SMYD3: variants seen among roughly 807,000 people sequenced by gnomAD.
SMYD3 encodes histone-lysine N-methyltransferase SMYD3.
A neutral mutation model predicts 57.7 loss-of-function variants in SMYD3; 36 were observed. The observed-to-expected ratio is 0.62, with a 90% CI of 0.48 to 0.82. The LOEUF is 0.82. SMYD3 is among the 40% of genes least tolerant of loss of function. The pLI is 0.00. For missense variants in SMYD3, 515 were observed against 538.8 expected (o/e 0.96, Z 0.44); for synonymous variants, 211 against 195.0 (o/e 1.08, Z -0.68).
In SMYD3 at chr1:246,324,883, A is replaced by T. The variant is rs144089585; in HGVS notation, c.531+2318T>A. On this transcript the variant is annotated intron_variant, in intron 5 of 11. Transcript: ENST00000490107. ...TGTGCTTGATGTGACTTGCACCATC[A>T]CACACCGTCAACATTCTGGGCTCAG... Among the ~76,000 whole-genome samples, 132 of 150,904 alleles carry T rather than the reference A, an allele frequency of 8.7e-4. 1 individual carries two copies. The highest frequency in any genetic ancestry group is 3.1e-3 in the African/African-American group (125 of 40,922).
intron 5 of SMYD3, among the ~76,000 whole-genome samples, chr1:246,041,535 T>C (rs1228150470): frequency 1.3e-5 from 2 of 152,238 alleles, no homozygotes; most frequent in Admixed American, 6.5e-5. Flanking sequence ...TGTGTGTGCC[T>C]GGGCATGTAT....
At chr1:246,080,623 T>C (rs1455179905) in intron 5 of SMYD3, among the ~76,000 whole-genome samples, 1 of 152,138 alleles carries the variant, frequency 6.6e-6, no homozygotes, top group Non-Finnish European at 1.5e-5. Context: ...GAACTATTAT[T>C]ATTGTAAAAA....
intron 8 of SMYD3, among the ~76,000 whole-genome samples, chr1:245,909,421 TTAG>T (rs1320565547): frequency 6.6e-6 from 1 of 151,716 alleles, no homozygotes; most frequent in Non-Finnish European, 1.5e-5. Context: ...TCCAGAAAAA[TTAG>T]GAGGAGGAAA....
chr1:246,128,637 T>TG (rs2061542217), intron 5 of SMYD3, among the ~76,000 whole-genome samples: 1 of 152,154 alleles, frequency 6.6e-6, no homozygotes, highest in South Asian at 2.1e-4. Flanking sequence ...CAGTGAGCAG[T>TG]GGGGCTGGCC....
intron 1 of SMYD3, among the ~76,000 whole-genome samples, chr1:246,453,875 T>C (rs1175140192): frequency 6.6e-6 from 1 of 152,188 alleles, no homozygotes; most frequent in African/African-American, 2.4e-5. Flanking sequence ...AGTAAATCTC[T>C]ACTACACCTT....
intron 5 of SMYD3, among the ~76,000 whole-genome samples, chr1:245,942,713 C>T (rs976021550): frequency 6.6e-6 from 1 of 152,198 alleles, no homozygotes; most frequent in Non-Finnish European, 1.5e-5. Flanking sequence ...AAATTGATCC[C>T]TTCTAATTGT....
Position 246,382,743 on chromosome 1 carries a change from T to C in SMYD3, c.165-27649A>G, listed in dbSNP as rs571605139. Among the ~76,000 whole-genome samples the C allele has an allele frequency of 1.3e-4, 19 of 149,062 alleles. No homozygotes were observed. The South Asian group carries it at 3.7e-3, about 29-fold the overall frequency. ...CCCACAGGCCCAAGAACCAGGTCTCTTTCTGCATACTCAAGCTCCAGGCTC... is the reference window on the plus strand; with the variant it reads ...CCCACAGGCCCAAGAACCAGGTCTCCTTCTGCATACTCAAGCTCCAGGCTC... On this transcript the variant is annotated intron_variant, in intron 1 of 11. Transcript: ENST00000490107.
intron 1 of SMYD3, among the ~76,000 whole-genome samples, chr1:246,396,665 G>A (rs1172779922): frequency 6.6e-6 from 1 of 152,128 alleles, no homozygotes; most frequent in African/African-American, 2.4e-5. Context: ...GGCCTGGTGG[G>A]GCACGACTGA....
chr1:246,021,285 G>C (rs147671271), intron 5 of SMYD3, among the ~76,000 whole-genome samples: 1 of 152,166 alleles, frequency 6.6e-6, no homozygotes, highest in Non-Finnish European at 1.5e-5. Context: ...TCTGACATGG[G>C]TACAGAATTC....
At chr1:246,090,520 C>CCT (rs1553285905) in intron 5 of SMYD3, among the ~76,000 whole-genome samples, 2 of 139,826 alleles carry the variant, frequency 1.4e-5, no homozygotes, top group African/African-American at 5.2e-5. Context: ...CTTTCTCTCT[C>CCT]TCTTTTTTTT....
At chr1:246,452,789 CTA>C (rs1220576437) in intron 1 of SMYD3, among the ~76,000 whole-genome samples, 6 of 152,176 alleles carry the variant, frequency 3.9e-5, no homozygotes, top group African/African-American at 1.4e-4. Context: ...CAATAGATGA[CTA>C]TTTCCTTAAC....
chr1:246,448,704 TA>T lies in SMYD3; in HGVS notation c.164+58349del, dbSNP rs1553349829. Among the ~76,000 whole-genome samples, 439 of 81,412 alleles carry T rather than the reference TA, an allele frequency of 5.4e-3. 2 individuals are homozygous for T. The highest frequency in any genetic ancestry group is 7.3e-3 in the Non-Finnish European group (323 of 44,296). The allele number at this position is 81,412 out of a possible 152,430, so 53.4% of individuals were successfully genotyped here. A position where few individuals can be genotyped will look rare whatever the true frequency, so the allele number is the denominator to read the frequency against. On this transcript the variant is annotated intron_variant, in intron 1 of 11. Coordinates refer to ENST00000490107, the MANE Select transcript of SMYD3 (RefSeq NM_001167740.2). ...ACAGCAAGATCTCATCTCTTTTTTTTAAAAAAAAAAAAAAAAAAAAAAAAGG... is the reference window on the plus strand; with the variant it reads ...ACAGCAAGATCTCATCTCTTTTTTTTAAAAAAAAAAAAAAAAAAAAAAAGG...
intron 5 of SMYD3, among the ~76,000 whole-genome samples, chr1:246,281,029 A>G (rs60021628): frequency 0.029 from 4,451 of 152,308 alleles, 199 homozygotes; most frequent in African/African-American, 0.097. Context: ...CTAAAACCTA[A>G]TGCACTCAAT....
At chr1:245,804,604 G>A (rs780272043) in intron 10 of SMYD3, among the ~76,000 whole-genome samples, 3 of 152,204 alleles carry the variant, frequency 2.0e-5, no homozygotes, top group African/African-American at 7.2e-5. Flanking sequence ...TGTAGTGGTA[G>A]TAAGAGTGGG....
At chr1:246,447,916 A>C (rs1259564701) in intron 1 of SMYD3, among the ~76,000 whole-genome samples, 1 of 152,226 alleles carries the variant, frequency 6.6e-6, no homozygotes, top group Non-Finnish European at 1.5e-5. Context: ...CCCAGATTCA[A>C]CATTTGTTAA....
intron 5 of SMYD3, among the ~76,000 whole-genome samples, chr1:246,154,676 A>G (rs1440844159): frequency 6.6e-6 from 1 of 152,182 alleles, no homozygotes. Context: ...CTCTTGGTTT[A>G]TTGTTCATTG....
In SMYD3 at chr1:245,878,982, ATTTG is replaced by A. The variant is rs1031531106; in HGVS notation, c.814-15100_814-15097del. 2.0e-5 allele frequency among the ~76,000 whole-genome samples: 3 copies of A among 152,156 alleles called. No homozygotes were observed. In the East Asian group the frequency reaches 5.8e-4, roughly 29 times the overall value. ...AGTTTAGCCCATGAAACCAATTTGT[ATTTG>A]TTTGGCCTCCAGGAAGAGCAGTGTT... On this transcript the variant is annotated intron_variant, in intron 8 of 11. Coordinates refer to ENST00000490107, the MANE Select transcript of SMYD3 (RefSeq NM_001167740.2).
chr1:246,476,290 G>A (rs576275548), intron 1 of SMYD3, among the ~76,000 whole-genome samples: 1 of 152,300 alleles, frequency 6.6e-6, no homozygotes, highest in Admixed American at 6.5e-5. Flanking sequence ...CTTGCCCAAT[G>A]TCACAAAGTT....
Position 245,829,636 on chromosome 1 carries a change from T to C in SMYD3, c.1076+28860A>G, listed in dbSNP as rs1315619180. Among the ~76,000 whole-genome samples the C allele has an allele frequency of 2.0e-5, 3 of 152,180 alleles. No homozygotes were observed. In the East Asian group the frequency reaches 5.8e-4, roughly 29 times the overall value. On this transcript the variant is annotated intron_variant, in intron 10 of 11. Transcript: ENST00000490107. ...ACCATATGATCTGGTAATTCCACTC[T>C]AGATATACACTTGAAAAAAATTAAA...
Sources: gnomAD v4.1 joint callset for allele counts (sites outside exome capture counted in the v4.1 genomes callset) on GRCh38, gnomAD v4.1.1 for gene constraint, MANE v1.5 for transcripts, NCBI Gene and HGNC (gene_info 2026-07-23, HGNC 2026-07-21) for gene names.